The following NRCAM variants were observed in gnomAD, a reference collection of about 807,000 sequenced individuals.
The protein encoded by NRCAM is neuronal cell adhesion molecule.
A neutral mutation model predicts 156.5 loss-of-function variants in NRCAM; 83 were observed. The ratio of observed to expected loss-of-function variants is 0.53; its 90% CI spans 0.44 to 0.64. The LOEUF (loss-of-function observed/expected upper bound fraction) is 0.64, where lower values mean the gene tolerates loss of function less well. Ranked by LOEUF, NRCAM falls within the 30% of genes least tolerant of loss-of-function variation. NRCAM has a pLI of 0.00. For synonymous variants in NRCAM, 538 were observed against 563.9 expected (o/e 0.95, Z 0.65); for missense variants, 1,417 against 1,597.3 (o/e 0.89, Z 1.92).
chr7:108,157,288 A>G (rs1034356252), intron 32 of NRCAM, among the ~76,000 whole-genome samples: 1 of 152,158 alleles, frequency 6.6e-6, no homozygotes, highest in Non-Finnish European at 1.5e-5. Context: ...CTAAGGCCTA[A>G]AGACAGCTAT....
chr7:108,297,388 C>T (rs867406828), intron 3 of NRCAM, among the ~76,000 whole-genome samples: 1 of 152,004 alleles, frequency 6.6e-6, no homozygotes, highest in African/African-American at 2.4e-5. Flanking sequence ...AAGCTGAGTT[C>T]CAAAAAAATG....
chr7:108,343,190 C>T (rs187454106), intron 2 of NRCAM, among the ~76,000 whole-genome samples: 6 of 152,258 alleles, frequency 3.9e-5, no homozygotes, highest in African/African-American at 1.4e-4. Flanking sequence ...GGAACTAGTG[C>T]TCAGCTGGCA....
chr7:108,168,505 A>G, intron 28 of NRCAM, 103 bp from the exon 29 acceptor site: 1 of 1,068,796 alleles, frequency 9.4e-7, no homozygotes, highest in Middle Eastern at 2.5e-4. Flanking sequence ...AATAGAATTA[A>G]ATAGAATTTA....
chr7:108,383,434 A>T (rs1284211902), intron 2 of NRCAM, among the ~76,000 whole-genome samples: 1 of 152,230 alleles, frequency 6.6e-6, no homozygotes, highest in Non-Finnish European at 1.5e-5. Flanking sequence ...GCAGCACGAC[A>T]GCCAGAACGA....
intron 11 of NRCAM, among the ~76,000 whole-genome samples, chr7:108,221,581 T>C (rs1334072297): frequency 6.6e-6 from 1 of 152,204 alleles, no homozygotes; most frequent in Non-Finnish European, 1.5e-5. Context: ...ACTATTATTC[T>C]AAGTGAAGTA....
rs576604962 is a variant in NRCAM, at chr7:108,345,502, T to TC, written c.-173-32772dup. Among the ~76,000 whole-genome samples, 31 of 152,240 alleles carry TC rather than the reference T, an allele frequency of 2.0e-4. No individual in the cohort carries two copies. The East Asian group carries it at 5.6e-3, about 28-fold the overall frequency. On this transcript the variant is annotated intron_variant, in intron 2 of 32. Transcript: ENST00000379028. ...ATCTTGCTATGAACTCTTTGTGTCC[T>TC]CCCCCCACATTCATATAGTGAAACC... is the stretch of plus-strand genomic sequence containing the variant.
intron 1 of NRCAM, among the ~76,000 whole-genome samples, chr7:108,425,650 A>T (rs189978895): frequency 3.1e-4 from 47 of 152,366 alleles, no homozygotes; most frequent in African/African-American, 1.1e-3. Context: ...GAACAGATCC[A>T]AATTCAAGGT....
chr7:108,186,766 T>C (rs1195861880), intron 20 of NRCAM, among the ~76,000 whole-genome samples: 1 of 152,268 alleles, frequency 6.6e-6, no homozygotes, highest in Non-Finnish European at 1.5e-5. Context: ...AATCTATTTA[T>C]ATCTTAACAT....
chr7:108,182,680 A>G lies in NRCAM; in HGVS notation c.2530+15T>C. 1 of 1,608,168 alleles carries G rather than the reference A, an allele frequency of 6.2e-7. No homozygotes were observed. Among genetic ancestry groups the G allele is most frequent in the Non-Finnish European group, 8.5e-7 (1 of 1,175,010 alleles). ...TCTGTTTTGCTGGGGAAAAGTAGGA[A>G]ATGGCATCACTTACGGTCTTCTCCA... On this transcript the variant is annotated intron_variant, in intron 23 of 32. Transcript: ENST00000379028.
At position 108,399,540 on chromosome 7, in the gene NRCAM, A is replaced by C. The variant is rs911186671; in HGVS notation, c.-278T>G. The C allele has an allele frequency of 1.6e-4, 25 of 152,350 alleles. No homozygotes were observed. The highest frequency in any genetic ancestry group is 5.8e-4 in the African/African-American group (24 of 41,592). 9.4% of individuals were successfully genotyped at this position (152,350 alleles called of 1,614,324 possible). A position where few individuals can be genotyped will look rare whatever the true frequency, so the allele number is the denominator to read the frequency against. ...AACAGCTAAGACCAGCTTTTGTCGAAGTCTTCAGCAAACAGGGGATAAAGA... is the reference window on the plus strand; with the variant it reads ...AACAGCTAAGACCAGCTTTTGTCGACGTCTTCAGCAAACAGGGGATAAAGA... On this transcript the variant is annotated 5_prime_UTR_variant, in exon 2 of 33. Transcript: ENST00000379028.
intron 3 of NRCAM, among the ~76,000 whole-genome samples, chr7:108,307,549 C>G (rs1370312380): frequency 6.6e-6 from 1 of 152,134 alleles, no homozygotes; most frequent in Non-Finnish European, 1.5e-5. Flanking sequence ...TACAGACCAG[C>G]TAAGTTTGAC....
chr7:108,304,544 T>C (rs1433190051), intron 3 of NRCAM, among the ~76,000 whole-genome samples: 2 of 152,170 alleles, frequency 1.3e-5, no homozygotes, highest in African/African-American at 2.4e-5. Context: ...AAGCAATAGA[T>C]AATGTTTATT....
rs1277168868 is a variant in NRCAM at position 108,274,545 on chromosome 7, G to T, written c.-106-34375C>A. Among the ~76,000 whole-genome samples, 7 of 152,256 alleles carry T rather than the reference G, an allele frequency of 4.6e-5. No individual in the cohort carries two copies. The South Asian group carries it at 1.5e-3, about 32-fold the overall frequency. On this transcript the variant is annotated intron_variant, in intron 3 of 32. Coordinates refer to ENST00000379028, the MANE Select transcript of NRCAM (RefSeq NM_001037132.4). ...TCATGATTTGGCTCTCTGTTTGTCT[G>T]TTATTGGTGTATAGGAATGCTTGTG... is the stretch of plus-strand genomic sequence containing the variant.
At chr7:108,323,228 A>G (rs1157825340) in intron 2 of NRCAM, among the ~76,000 whole-genome samples, 1 of 152,216 alleles carries the variant, frequency 6.6e-6, no homozygotes, top group Non-Finnish European at 1.5e-5. Flanking sequence ...GCATTTTCAG[A>G]GACACTGTTT....
intron 2 of NRCAM, among the ~76,000 whole-genome samples, chr7:108,350,729 C>A (rs992393516): frequency 6.6e-6 from 1 of 152,160 alleles, no homozygotes; most frequent in Non-Finnish European, 1.5e-5. Flanking sequence ...TCCACCTTAA[C>A]TTATTGTTTT....
chr7:108,183,609 G>T (rs2077501), intron 22 of NRCAM, among the ~76,000 whole-genome samples: 102,306 of 150,746 alleles, frequency 0.68, 36,782 homozygotes, highest in East Asian at 0.96. Flanking sequence ...TAATCTCGGC[G>T]CACTGCAACC....
intron 32 of NRCAM, among the ~76,000 whole-genome samples, chr7:108,155,358 CAT>C (rs958442821): frequency 1.3e-5 from 2 of 150,980 alleles, no homozygotes; most frequent in African/African-American, 2.4e-5. Flanking sequence ...ACAGTGCTGG[CAT>C]ATATATATAT....
intron 13 of NRCAM, among the ~76,000 whole-genome samples, chr7:108,203,169 T>G (rs1194648446): frequency 1.3e-5 from 2 of 152,202 alleles, no homozygotes; most frequent in Non-Finnish European, 2.9e-5. Context: ...TTCTTTCTGG[T>G]CCTGGGTTCT....
chr7:108,235,257 GATAA>G, intron 5 of NRCAM, among the ~76,000 whole-genome samples: 1 of 152,254 alleles, frequency 6.6e-6, no homozygotes, highest in African/African-American at 2.4e-5. Context: ...TTATTTAGAA[GATAA>G]ATGGAATTGA....
Sources: gnomAD v4.1 joint callset for allele counts (sites outside exome capture counted in the v4.1 genomes callset) on GRCh38, gnomAD v4.1.1 for gene constraint, MANE v1.5 for transcripts, NCBI Gene and HGNC (gene_info 2026-07-23, HGNC 2026-07-21) for gene names.